CABIN1: variants seen among roughly 807,000 people sequenced by gnomAD.
CABIN1 encodes calcineurin-binding protein cabin-1.
CABIN1 carries 133 observed loss-of-function variants against 227.7 expected under a neutral mutation model. The ratio of observed to expected loss-of-function variants is 0.58; its 90% CI spans 0.51 to 0.67. The LOEUF (loss-of-function observed/expected upper bound fraction) is 0.67, where lower values mean the gene tolerates loss of function less well. Among genes scored for constraint, CABIN1 ranks in the 30% least tolerant of loss-of-function variants. The pLI is 0.00. For missense variants in CABIN1, 2,408 were observed against 2,852.5 expected, an observed-to-expected ratio of 0.84 and a Z score of 3.55; for synonymous variants, 1,086 against 1,155.1, an observed-to-expected ratio of 0.94 and a Z score of 1.21.
chr22:24,013,544 A>G (rs749824405), intron 1 of CABIN1, among the ~76,000 whole-genome samples: 3 of 152,210 alleles, frequency 2.0e-5, no homozygotes, highest in Non-Finnish European at 4.4e-5. Context: ...AAAAATTGCA[A>G]CAATACAAAA....
chr22:24,178,380 A>C lies in CABIN1; in HGVS notation c.*184A>C. 75 of 676,284 alleles carry C rather than the reference A, an allele frequency of 1.1e-4. No homozygotes were observed. Among genetic ancestry groups the C allele is most frequent in the Non-Finnish European group, 1.5e-4 (61 of 408,436 alleles). 41.9% of individuals were successfully genotyped at this position (676,284 alleles called of 1,614,324 possible). ...ACCCAGGTCAGGCTGTCCACACCAC[A>C]TGGGAGCCCAGAGGAGGAGGGGCCC... On this transcript the variant is annotated 3_prime_UTR_variant, in exon 37 of 37. Transcript: ENST00000263119.
intron 28 of CABIN1, among the ~76,000 whole-genome samples, chr22:24,127,056 G>T (rs2043775125): frequency 6.6e-6 from 1 of 151,930 alleles, no homozygotes; most frequent in Non-Finnish European, 1.5e-5. Context: ...GGTTGTGGAA[G>T]AAGACAGGCT....
chr22:24,167,827 A>C (rs768000249), intron 32 of CABIN1, among the ~76,000 whole-genome samples: 43 of 152,132 alleles, frequency 2.8e-4, no homozygotes, highest in Non-Finnish European at 4.6e-4. Flanking sequence ...TCAGTTTGCA[A>C]TGCATCCTAC....
At chr22:24,062,341 T>C (rs1175693418) in intron 13 of CABIN1, among the ~76,000 whole-genome samples, 2 of 149,478 alleles carry the variant, frequency 1.3e-5, no homozygotes, top group Non-Finnish European at 3.0e-5. Flanking sequence ...TTTCTGGTGA[T>C]ACGGATTTTT....
rs573791610 is a variant in CABIN1 at position 24,070,828 on chromosome 22, G to A, written c.2261G>A (p.Arg754Gln). 3.7e-5 allele frequency: 59 copies of A among 1,614,090 alleles called. 1 individual carries two copies. The South Asian group carries it at 4.9e-4, about 14-fold the overall frequency. Residue 754 changes from arginine (R) to glutamine (Q), a missense_variant, in exon 17 of 37, where the codon CGG (arginine) becomes CAG (glutamine). Coordinates refer to ENST00000263119, the MANE Select transcript of CABIN1 (RefSeq NM_012295.4). ...TCCTTGCTCCGGCTGAAGGACTATC[G>A]GCAGTGTTTTGAGTGTTCCGATGTG... ...QDSLLRLKDY[R>Q]QCFECSDVAL... is the part of the protein sequence containing the mutation.
At chr22:24,153,344 T>C (rs2045601886) in intron 29 of CABIN1, among the ~76,000 whole-genome samples, 1 of 152,182 alleles carries the variant, frequency 6.6e-6, no homozygotes, top group South Asian at 2.1e-4. Context: ...CAGTTCTCTC[T>C]CTGGGGCAGT....
chr22:24,137,527 C>A (rs1433278961), intron 29 of CABIN1, among the ~76,000 whole-genome samples: 1 of 152,228 alleles, frequency 6.6e-6, no homozygotes, highest in Non-Finnish European at 1.5e-5. Flanking sequence ...ATCAGGGCCA[C>A]CCCAGCCCAG....
At position 24,122,657 on chromosome 22, in the gene CABIN1, G is replaced by A. The variant is rs11914152; in HGVS notation, c.4632+2959G>A. The stretch of plus-strand genomic sequence containing the variant: ...GGGGAGGCGGAGGTTGCAGTGAGCC[G>A]AGATCACGTCATTTCACTCCAGCCT... On this transcript the variant is annotated intron_variant, in intron 28 of 36. Coordinates refer to ENST00000263119, the MANE Select transcript of CABIN1 (RefSeq NM_012295.4). Among the ~76,000 whole-genome samples the A allele has an allele frequency of 1.4e-3, 217 of 151,948 alleles. 1 individual carries two copies. Among genetic ancestry groups the A allele is most frequent in the African/African-American group, 5.1e-3 (210 of 41,406 alleles).
At chr22:24,097,979 ACT>A (rs774316661) in intron 25 of CABIN1, 33 bp from the exon 26 acceptor site, 6 of 1,613,256 alleles carry the variant, frequency 3.7e-6, no homozygotes, top group Admixed American at 3.3e-5. Context: ...TGAGGTGGAG[ACT>A]CTGACCTGTG....
chr22:24,131,613 G>A (rs536181356), intron 28 of CABIN1, among the ~76,000 whole-genome samples: 1 of 152,342 alleles, frequency 6.6e-6, no homozygotes, highest in East Asian at 1.9e-4. Context: ...CTGGGCACTT[G>A]CTTCAGTGAG....
At chr22:24,016,249 A>C (rs181655320) in intron 1 of CABIN1, among the ~76,000 whole-genome samples, 2 of 152,314 alleles carry the variant, frequency 1.3e-5, no homozygotes, top group East Asian at 3.9e-4. Flanking sequence ...ATCATACAAT[A>C]TGTGGTATTT....
intron 1 of CABIN1, among the ~76,000 whole-genome samples, chr22:24,016,998 TA>T (rs1240136816): frequency 2.0e-5 from 3 of 151,806 alleles, no homozygotes; most frequent in South Asian, 2.1e-4. Context: ...TTTAGCTTTT[TA>T]AAAAAAATTG....
chr22:24,031,997 C>T (rs1721271582), intron 1 of CABIN1, among the ~76,000 whole-genome samples: 1 of 152,160 alleles, frequency 6.6e-6, no homozygotes, highest in Non-Finnish European at 1.5e-5. Context: ...AATATGGAAA[C>T]AAAATTTACC....
chr22:24,071,268 G>A, intron 17 of CABIN1: 2 of 602,110 alleles, frequency 3.3e-6, no homozygotes, highest in Non-Finnish European at 5.9e-6. Flanking sequence ...AGCACTTGGT[G>A]CCATGGGGTT....
intron 6 of CABIN1, among the ~76,000 whole-genome samples, chr22:24,045,197 T>C (rs1054980740): frequency 6.6e-6 from 1 of 152,238 alleles, no homozygotes. Context: ...GTGCTGGGCT[T>C]ATAGGCGTGA....
At chr22:24,130,033 C>G (rs1453436737) in intron 28 of CABIN1, among the ~76,000 whole-genome samples, 1 of 152,214 alleles carries the variant, frequency 6.6e-6, no homozygotes, top group Non-Finnish European at 1.5e-5. Context: ...ACATAAGGTG[C>G]CTGTATGCTT....
chr22:24,041,574 A>T (rs1000141757), intron 5 of CABIN1, among the ~76,000 whole-genome samples: 1 of 152,232 alleles, frequency 6.6e-6, no homozygotes, highest in Non-Finnish European at 1.5e-5. Flanking sequence ...CTCTAGGTCT[A>T]CACCAATATA....
chr22:24,169,791 C>G (rs1482112613), intron 33 of CABIN1, among the ~76,000 whole-genome samples: 1 of 152,186 alleles, frequency 6.6e-6, no homozygotes, highest in African/African-American at 2.4e-5. Context: ...AAAGATAGAC[C>G]CACACAGGAA....
intron 33 of CABIN1, among the ~76,000 whole-genome samples, chr22:24,168,838 G>A (rs1056512740): frequency 2.0e-5 from 3 of 152,208 alleles, no homozygotes; most frequent in African/African-American, 7.2e-5. Context: ...AGTAGAAGCA[G>A]CAATGTTAGA....
Sources: gnomAD v4.1 joint callset for allele counts (sites outside exome capture counted in the v4.1 genomes callset) on GRCh38, gnomAD v4.1.1 for gene constraint, MANE v1.5 for transcripts, NCBI Gene and HGNC (gene_info 2026-07-23, HGNC 2026-07-21) for gene names.